Variants in IGF2BP2 observed in about 807,000 individuals in gnomAD.
IGF2BP2 encodes the protein insulin-like growth factor 2 mRNA-binding protein 2.
Under a neutral mutation model 75.8 loss-of-function variants are expected in IGF2BP2, and 17 were observed. That is an observed-to-expected ratio of 0.22 (90% CI 0.15 to 0.34). The LOEUF (loss-of-function observed/expected upper bound fraction) is 0.34. Ranked by LOEUF, IGF2BP2 falls within the 10% of genes least tolerant of loss-of-function variation. IGF2BP2 has a pLI of 1.00. For synonymous variants in IGF2BP2, 288 were observed against 295.6 expected (o/e 0.97, Z 0.26); for missense variants, 516 against 772.4 (o/e 0.67, Z 3.93).
chr3:185,821,202 C>G, intron 2 of IGF2BP2: 2 of 1,328,900 alleles, frequency 1.5e-6, no homozygotes, highest in Non-Finnish European at 2.0e-6. Context: ...ACCATCCAAT[C>G]AGAAATGATG....
chr3:185,749,723 A>C (rs1353703059), intron 2 of IGF2BP2, among the ~76,000 whole-genome samples: 2 of 152,204 alleles, frequency 1.3e-5, no homozygotes, highest in Non-Finnish European at 2.9e-5. Context: ...TAGGACCTGC[A>C]ATCAGACTTG....
chr3:185,678,581 C>A (rs1719899351), intron 7 of IGF2BP2, among the ~76,000 whole-genome samples: 1 of 152,166 alleles, frequency 6.6e-6, no homozygotes, highest in Non-Finnish European at 1.5e-5. Context: ...CTGGAGAGTT[C>A]CACATGCATT....
intron 14 of IGF2BP2, among the ~76,000 whole-genome samples, chr3:185,648,807 T>C (rs1714059273): frequency 6.6e-6 from 1 of 152,004 alleles, no homozygotes; most frequent in Non-Finnish European, 1.5e-5. Flanking sequence ...AAAAACAATC[T>C]CCTCCTTGCC....
intron 2 of IGF2BP2, among the ~76,000 whole-genome samples, chr3:185,783,430 T>C (rs1309174042): frequency 3.3e-5 from 5 of 152,172 alleles, no homozygotes; most frequent in Non-Finnish European, 4.4e-5. Context: ...TCAGCAAAAG[T>C]GGAGTTCTCA....
chr3:185,650,315 GTTCT>G (rs982661442), intron 13 of IGF2BP2, among the ~76,000 whole-genome samples: 17 of 150,620 alleles, frequency 1.1e-4, no homozygotes, highest in Admixed American at 5.3e-4. Flanking sequence ...AGCTTACAAT[GTTCT>G]TTTTTTTTCT....
intron 7 of IGF2BP2, among the ~76,000 whole-genome samples, chr3:185,677,614 A>G (rs930667875): frequency 6.6e-6 from 1 of 151,888 alleles, no homozygotes; most frequent in African/African-American, 2.4e-5. Flanking sequence ...CCAAATACTG[A>G]CTCTAAAGAA....
intron 2 of IGF2BP2, among the ~76,000 whole-genome samples, chr3:185,816,813 CCCT>C (rs1247844205): frequency 6.6e-6 from 1 of 152,188 alleles, no homozygotes; most frequent in Non-Finnish European, 1.5e-5. Context: ...AAATACTCCT[CCCT>C]GAGATAATAC....
chr3:185,735,129 T>C (rs992847212), intron 2 of IGF2BP2, among the ~76,000 whole-genome samples: 2 of 151,020 alleles, frequency 1.3e-5, no homozygotes, highest in South Asian at 4.2e-4. Flanking sequence ...TATCAATGCT[T>C]GAAAATACAT....
At chr3:185,749,995 A>G (rs1269907357) in intron 2 of IGF2BP2, among the ~76,000 whole-genome samples, 1 of 152,224 alleles carries the variant, frequency 6.6e-6, no homozygotes, top group African/African-American at 2.4e-5. Flanking sequence ...GGTAAGGACT[A>G]TCTCCTAGCT....
At chr3:185,824,353 G>A (rs926503673) in intron 1 of IGF2BP2, among the ~76,000 whole-genome samples, 2 of 151,230 alleles carry the variant, frequency 1.3e-5, no homozygotes, top group African/African-American at 4.9e-5. Flanking sequence ...GGCCGGGGGA[G>A]GAGGAAGAGA....
At chr3:185,821,944 G>A in intron 2 of IGF2BP2, among the ~76,000 whole-genome samples, 1 of 151,546 alleles carries the variant, frequency 6.6e-6, no homozygotes, top group East Asian at 1.9e-4. Flanking sequence ...CCCAATAGAG[G>A]AAAGAACTAG....
intron 10 of IGF2BP2, among the ~76,000 whole-genome samples, chr3:185,663,941 AAATAGT>A (rs1716881818): frequency 6.6e-6 from 1 of 152,182 alleles, no homozygotes; most frequent in African/African-American, 2.4e-5. Flanking sequence ...TCAAATATTT[AAATAGT>A]TTTAGTGTGA....
rs569728517 is a variant in IGF2BP2 at position 185,803,893 on chromosome 3, G to A, written c.239+19260C>T. 5.3e-5 allele frequency among the ~76,000 whole-genome samples: 8 copies of A among 152,332 alleles called. No individual in the cohort carries two copies. The South Asian group carries it at 1.7e-3, about 32-fold the overall frequency. On this transcript the variant is annotated intron_variant, in intron 2 of 15. Coordinates refer to ENST00000382199, the MANE Select transcript of IGF2BP2 (RefSeq NM_006548.6). ...AATCCCAGCACTTTAGGAGGCCGAG[G>A]CGGGTGGATCACCTGAGGTCAGGAG...
intron 10 of IGF2BP2, among the ~76,000 whole-genome samples, chr3:185,664,298 T>C (rs879811665): frequency 7.2e-5 from 11 of 152,220 alleles, no homozygotes; most frequent in Non-Finnish European, 1.3e-4. Context: ...TGCGCTCACC[T>C]GGGACATTCT....
chr3:185,799,121 CG>C (rs1449404123), intron 2 of IGF2BP2, among the ~76,000 whole-genome samples: 1 of 147,828 alleles, frequency 6.8e-6, no homozygotes. Flanking sequence ...AGCTGCAGGC[CG>C]GGCACAGTGG....
chr3:185,798,088 C>A (rs1737678560), intron 2 of IGF2BP2, among the ~76,000 whole-genome samples: 1 of 151,988 alleles, frequency 6.6e-6, no homozygotes, highest in Admixed American at 6.6e-5. Flanking sequence ...GTAATCCCAG[C>A]TACTCATGAG....
chr3:185,789,411 G>C (rs1469649993), intron 2 of IGF2BP2, among the ~76,000 whole-genome samples: 1 of 152,004 alleles, frequency 6.6e-6, no homozygotes, highest in African/African-American at 2.4e-5. Context: ...CTTAAGCTGG[G>C]GGAAAAGAAG....
In IGF2BP2 at chr3:185,785,838, G is replaced by A. The variant is rs563720299; in HGVS notation, c.239+37315C>T. Among the ~76,000 whole-genome samples the A allele has an allele frequency of 3.3e-5, 5 of 152,078 alleles. No individual in the cohort carries two copies. The South Asian group carries it at 6.2e-4, about 19-fold the overall frequency. ...TTATAAATTAATTAATTAATTCCAG[G>A]GCATAGAGTTCACTGTGTAAACCAT... On this transcript the variant is annotated intron_variant, in intron 2 of 15. Transcript: ENST00000382199.
chr3:185,683,135 C>T (rs1017471337), intron 7 of IGF2BP2, among the ~76,000 whole-genome samples: 2 of 152,186 alleles, frequency 1.3e-5, no homozygotes, highest in Non-Finnish European at 2.9e-5. Flanking sequence ...AAGCCTGTTA[C>T]ATGCTATAAC....
Sources: allele counts gnomAD v4.1 joint callset (sites outside exome capture counted in the v4.1 genomes callset), GRCh38; gene constraint gnomAD v4.1.1; transcripts MANE v1.5; gene names NCBI Gene and HGNC (gene_info 2026-07-23, HGNC 2026-07-21).